The following COL5A2 variants were observed in gnomAD, a reference collection of about 807,000 sequenced individuals.
COL5A2 encodes the protein collagen type V alpha 2 chain.
In COL5A2, 23 loss-of-function variants were observed where a neutral mutation model predicts 208.2. The ratio of observed to expected loss-of-function variants is 0.11; its 90% CI spans 0.08 to 0.16. COL5A2 has a LOEUF of 0.16. COL5A2 is among the 10% of genes least tolerant of loss of function. The probability of loss-of-function intolerance (pLI) is 1.00; values close to 1 mark genes in which losing one functional copy is unlikely to be tolerated. For synonymous variants in COL5A2, 625 were observed against 628.5 expected, an observed-to-expected ratio of 0.99 and a Z score of 0.08; for missense variants, 1,590 against 1,956.4, an observed-to-expected ratio of 0.81 and a Z score of 3.53.
chr2:189,079,900 G>A, intron 14 of COL5A2, 78 bp downstream of exon 14: 1 of 1,207,252 alleles, frequency 8.3e-7, no homozygotes, highest in Admixed American at 1.7e-5. Context: ...AATTAAGGTG[G>A]TTCTGAAAAA....
At chr2:189,261,761 C>A in the COL5A2 span, among the ~76,000 whole-genome samples, 2 of 152,234 alleles carry the variant, frequency 1.3e-5, no homozygotes, top group Admixed American at 1.3e-4. Flanking sequence ...GTTGCTGGGG[C>A]AAAATTGCCA....
At position 189,169,721 on chromosome 2, in the gene COL5A2, A is replaced by C. The variant is rs1576571066; in HGVS notation, c.97+9787T>G. Among the ~76,000 whole-genome samples, 4 of 152,224 alleles carry C rather than the reference A, an allele frequency of 2.6e-5. No homozygotes were observed. In the South Asian group the frequency reaches 8.3e-4, roughly 32 times the overall value. ...TTATCTCTATTATTATTAAATAATAATTTTTTTGAGACGGATTTTTGCTCT... is the reference window on the plus strand; with the variant it reads ...TTATCTCTATTATTATTAAATAATACTTTTTTTGAGACGGATTTTTGCTCT... On this transcript the variant is annotated intron_variant, in intron 1 of 53. Coordinates refer to ENST00000374866, the MANE Select transcript of COL5A2 (RefSeq NM_000393.5).
intron 1 of COL5A2, among the ~76,000 whole-genome samples, chr2:189,206,063 G>A (rs1336196877): frequency 6.6e-6 from 1 of 152,166 alleles, no homozygotes; most frequent in African/African-American, 2.4e-5. Flanking sequence ...CAGCCCAGGA[G>A]TAAAGGAGCT....
intron 40 of COL5A2, 88 bp from the exon 41 acceptor site, chr2:189,052,313 T>G (rs113277612): frequency 8.1e-7 from 1 of 1,228,616 alleles, no homozygotes; most frequent in Non-Finnish European, 1.2e-6. Context: ...ACAGGAAGAC[T>G]GAAGCCTTTA....
intron 13 of COL5A2, 67 bp from the exon 14 acceptor site, chr2:189,080,098 A>C: frequency 8.2e-7 from 1 of 1,212,186 alleles, no homozygotes; most frequent in Non-Finnish European, 1.2e-6. Flanking sequence ...CATAAGAACC[A>C]AAAATAAGCT....
At chr2:189,185,081 T>G (rs1688833113) in intron 1 of COL5A2, among the ~76,000 whole-genome samples, 1 of 152,026 alleles carries the variant, frequency 6.6e-6, no homozygotes, top group African/African-American at 2.4e-5. Context: ...TGGAGTGCAA[T>G]GGCATGATCT....
chr2:189,138,847 C>T (rs1225628716), intron 1 of COL5A2, among the ~76,000 whole-genome samples: 1 of 152,022 alleles, frequency 6.6e-6, no homozygotes, highest in Non-Finnish European at 1.5e-5. Context: ...TCAAATATCA[C>T]CAAAAATGTA....
chr2:189,147,772 G>A (rs925225587), intron 1 of COL5A2, among the ~76,000 whole-genome samples: 1 of 152,090 alleles, frequency 6.6e-6, no homozygotes, highest in Non-Finnish European at 1.5e-5. Flanking sequence ...ATATCAGAGT[G>A]CTTCTTTACC....
intron 2 of COL5A2, among the ~76,000 whole-genome samples, chr2:189,109,095 A>G (rs1336003929): frequency 6.6e-6 from 1 of 151,576 alleles, no homozygotes; most frequent in Non-Finnish European, 1.5e-5. Flanking sequence ...ATCTTATGGC[A>G]TCTGTGCATA....
rs1461961631 is a variant in COL5A2, at chr2:189,032,964, T to C, written c.*1106A>G. On this transcript the variant is annotated 3_prime_UTR_variant, in exon 54 of 54. Transcript: ENST00000374866. Reference sequence around the variant, plus strand: ...ATAACAGAAGCATAGCACCTTTCAGTATCTAAAATATAAACAAGAATAGTA... The same window carrying C: ...ATAACAGAAGCATAGCACCTTTCAGCATCTAAAATATAAACAAGAATAGTA... 1.3e-5 allele frequency: 2 copies of C among 152,642 alleles called. No homozygotes were observed. The highest frequency in any genetic ancestry group is 6.5e-5 in the Admixed American group (1 of 15,276). 9.5% of individuals were successfully genotyped at this position (152,642 alleles called of 1,614,324 possible).
At chr2:189,310,626 T>C in the COL5A2 span, among the ~76,000 whole-genome samples, 1 of 152,188 alleles carries the variant, frequency 6.6e-6, no homozygotes, top group African/African-American at 2.4e-5. Flanking sequence ...ACTGCACTCC[T>C]GTGTTTGTGG....
the COL5A2 span, among the ~76,000 whole-genome samples, chr2:189,367,138 T>C: frequency 1.3e-5 from 2 of 152,138 alleles, no homozygotes; most frequent in African/African-American, 2.4e-5. Flanking sequence ...ATTCTGGAGG[T>C]CATTTTTATT....
chr2:189,051,601 TTAGA>T, intron 41 of COL5A2, 120 bp from the exon 42 acceptor site: 1 of 800,026 alleles, frequency 1.2e-6, no homozygotes. Context: ...ATTTTACCTG[TTAGA>T]TAATCAGTCA....
the COL5A2 span, among the ~76,000 whole-genome samples, chr2:189,425,003 C>T: frequency 6.6e-6 from 1 of 152,266 alleles, no homozygotes. Flanking sequence ...TAAATCTGCT[C>T]ATTTGCAGCC....
the COL5A2 span, among the ~76,000 whole-genome samples, chr2:189,272,220 A>G: frequency 6.6e-6 from 1 of 152,222 alleles, no homozygotes; most frequent in African/African-American, 2.4e-5. Context: ...ACGTATGTTT[A>G]TTGCAGCACT....
At chr2:189,219,279 C>A (rs1689317954) in intron 1 of COL5A2, among the ~76,000 whole-genome samples, 1 of 152,116 alleles carries the variant, frequency 6.6e-6, no homozygotes, top group Non-Finnish European at 1.5e-5. Context: ...AGGAAGTGTT[C>A]TAGTAGGAGC....
chr2:189,319,093 T>C, the COL5A2 span, among the ~76,000 whole-genome samples: 6 of 152,248 alleles, frequency 3.9e-5, no homozygotes, highest in African/African-American at 1.4e-4. Context: ...TGCCTGTTAC[T>C]GATTTTATAT....
chr2:189,232,564 T>C, the COL5A2 span, among the ~76,000 whole-genome samples: 1 of 151,748 alleles, frequency 6.6e-6, no homozygotes, highest in Non-Finnish European at 1.5e-5. Context: ...TTTTCTGGAA[T>C]ATGTTTCTCC....
intron 1 of COL5A2, among the ~76,000 whole-genome samples, chr2:189,194,732 G>T (rs573450937): frequency 1.8e-4 from 28 of 152,228 alleles, no homozygotes; most frequent in Non-Finnish European, 3.1e-4. Flanking sequence ...TTGGCTGTGG[G>T]TCTGTCATAA....
Sources: allele counts gnomAD v4.1 joint callset (sites outside exome capture counted in the v4.1 genomes callset), GRCh38; gene constraint gnomAD v4.1.1; transcripts MANE v1.5; gene names NCBI Gene and HGNC (gene_info 2026-07-23, HGNC 2026-07-21).